Variants in ABCA5 observed in about 807,000 individuals in gnomAD.
The protein encoded by ABCA5 is ATP binding cassette subfamily A member 5, also known as cholesterol transporter ABCA5.
In ABCA5, 163 loss-of-function variants were observed where a neutral mutation model predicts 206.0. The observed-to-expected ratio is 0.79, with a 90% CI of 0.70 to 0.90. The LOEUF (loss-of-function observed/expected upper bound fraction) is 0.90. ABCA5 is among the 40% of genes least tolerant of loss of function. The probability of loss-of-function intolerance (pLI) is 0.00; values close to 1 mark genes in which losing one functional copy is unlikely to be tolerated. For synonymous variants in ABCA5, 609 were observed against 613.8 expected (o/e 0.99, Z 0.11); for missense variants, 1,859 against 1,912.9 (o/e 0.97, Z 0.53).
intron 20 of ABCA5, among the ~76,000 whole-genome samples, chr17:69,273,607 C>T (rs145062998): frequency 0.015 from 2,305 of 152,074 alleles, 49 homozygotes; most frequent in African/African-American, 0.051. Flanking sequence ...AGGCGCGTGC[C>T]ACCATGCCTG....
chr17:69,256,229 C>T lies in ABCA5; in HGVS notation c.3786G>A (p.Glu1262=), dbSNP rs1555575164. 1 of 1,610,362 alleles carries T rather than the reference C, an allele frequency of 6.2e-7. No homozygotes were observed. Among genetic ancestry groups the T allele is most frequent in the South Asian group, 1.1e-5 (1 of 90,574 alleles). The change falls in exon 29 of 39, where the codon GAG becomes GAA. Residue 1262 remains glutamate, a synonymous_variant. Coordinates refer to ENST00000392676, the MANE Select transcript of ABCA5 (RefSeq NM_172232.4). Reference sequence around the variant, plus strand: ...CAGCTTTGACATCTTCATCTTCATCCTCATTGTCTGGTGGTTCTGGAAGCT... The same window carrying T: ...CAGCTTTGACATCTTCATCTTCATCTTCATTGTCTGGTGGTTCTGGAAGCT... ...NRKLPEPPDN[E]DEDEDVKAER...
chr17:69,309,532 C>T, intron 3 of ABCA5, 109 bp from the exon 4 acceptor site: 1 of 848,376 alleles, frequency 1.2e-6, no homozygotes, highest in Middle Eastern at 3.7e-4. Flanking sequence ...AACACTTTTG[C>T]TATATTTACT....
chr17:69,296,289 ATT>A (rs945074724), intron 10 of ABCA5, among the ~76,000 whole-genome samples: 1 of 152,154 alleles, frequency 6.6e-6, no homozygotes, highest in African/African-American at 2.4e-5. Context: ...CATCTTAAGT[ATT>A]TTGACTTTCT....
chr17:69,290,089 T>C (rs1232778130), intron 12 of ABCA5, 52 bp from the exon 13 acceptor site: 2 of 1,232,174 alleles, frequency 1.6e-6, no homozygotes, highest in Non-Finnish European at 2.2e-6. Flanking sequence ...ATAATGTGTA[T>C]GTTTTCAAGT....
At chr17:69,287,889 C>A in intron 14 of ABCA5, 138 bp from the exon 15 acceptor site, 2 of 826,334 alleles carry the variant, frequency 2.4e-6, no homozygotes, top group Non-Finnish European at 3.3e-6. Flanking sequence ...TTTTTTCATT[C>A]ATAATTGAGT....
intron 7 of ABCA5, chr17:69,304,123 A>G (rs1287530920): frequency 6.6e-6 from 1 of 152,002 alleles, no homozygotes; most frequent in African/African-American, 2.4e-5. Flanking sequence ...TTATTATTTT[A>G]AAGAGCAGAA....
chr17:69,316,337 A>T (rs1165061760), intron 1 of ABCA5, among the ~76,000 whole-genome samples: 2 of 152,096 alleles, frequency 1.3e-5, no homozygotes, highest in African/African-American at 2.4e-5. Context: ...TACTAAAAAT[A>T]CAAAAATTAG....
chr17:69,307,030 T>C (rs1377442911), intron 5 of ABCA5, 76 bp from the exon 6 acceptor site: 3 of 1,050,840 alleles, frequency 2.9e-6, no homozygotes, highest in African/African-American at 3.3e-5. Flanking sequence ...GACAGCTATA[T>C]CCCTAAATTT....
At chr17:69,320,467 T>A (rs1182312277) in intron 1 of ABCA5, among the ~76,000 whole-genome samples, 2 of 152,154 alleles carry the variant, frequency 1.3e-5, no homozygotes, top group African/African-American at 4.8e-5. Flanking sequence ...ACTCAAAAGC[T>A]TTAGTCTAAT....
chr17:69,252,244 GAC>G (rs2075023533), intron 34 of ABCA5, among the ~76,000 whole-genome samples: 3 of 151,830 alleles, frequency 2.0e-5, no homozygotes, highest in African/African-American at 7.3e-5. Flanking sequence ...TCGATCTCCT[GAC>G]CTCGTGGTCT....
At chr17:69,263,699 T>TTTTTA (rs1348304193) in intron 24 of ABCA5, among the ~76,000 whole-genome samples, 1 of 142,978 alleles carries the variant, frequency 7.0e-6, no homozygotes. Context: ...ATGGATTCCT[T>TTTTTA]TTTTTTTTTT....
At chr17:69,321,767 A>G (rs1219308761) in intron 1 of ABCA5, among the ~76,000 whole-genome samples, 1 of 146,532 alleles carries the variant, frequency 6.8e-6, no homozygotes, top group Non-Finnish European at 1.5e-5. Context: ...TTCAAAATCT[A>G]AAAAAAAAAA....
chr17:69,278,542 A>G (rs1443614987), intron 18 of ABCA5, among the ~76,000 whole-genome samples: 1 of 152,142 alleles, frequency 6.6e-6, no homozygotes, highest in Non-Finnish European at 1.5e-5. Context: ...CTTCAATATA[A>G]TTTCCTGGGA....
chr17:69,277,893 C>A, intron 18 of ABCA5, 51 bp from the exon 19 acceptor site: 3 of 1,369,126 alleles, frequency 2.2e-6, no homozygotes, highest in Non-Finnish European at 1.9e-6. Context: ...AAAAAAGATA[C>A]AAACTTTCTG....
rs749663854 is a variant in ABCA5 at position 69,251,882 on chromosome 17, A to G, written c.4416-16T>C. The G allele has an allele frequency of 1.9e-6, 3 of 1,608,580 alleles. No individual in the cohort carries two copies. Among genetic ancestry groups the G allele is most frequent in the African/African-American group, 1.3e-5 (1 of 74,626 alleles). On this transcript the variant is annotated splice_polypyrimidine_tract_variant and intron_variant, in intron 34 of 38. Transcript: ENST00000392676. ...AATTGCTCGCCTATAAAACATAAAT[A>G]AAACAAAAAGAGAGGAACACATCTG...
intron 9 of ABCA5, among the ~76,000 whole-genome samples, chr17:69,298,264 G>GAAGGAAGA (rs2075608703): frequency 2.2e-5 from 3 of 133,480 alleles, no homozygotes; most frequent in Non-Finnish European, 4.9e-5. Context: ...AGGAAGGAAG[G>GAAGGAAGA]AAGGAAGGAA....
At chr17:69,278,742 T>C (rs1306858523) in intron 18 of ABCA5, among the ~76,000 whole-genome samples, 3 of 152,306 alleles carry the variant, frequency 2.0e-5, no homozygotes, top group African/African-American at 7.2e-5. Context: ...TTACGTACTT[T>C]ATGTTAAAAT....
chr17:69,271,176 T>C lies in ABCA5; in HGVS notation c.2878A>G (p.Met960Val), dbSNP rs557491. The part of the protein sequence containing the change: ...VAPHSAALNV[M>V]HSEKDYVFAA... ...ATTCATCTTACCTTTTCTGAATGCA[T>C]CACATTTAAAGCCGCACTATGGGGA... The change falls in exon 21 of 39, where the codon ATG becomes GTG. Residue 960 changes from methionine to valine, a missense_variant. By Grantham distance (21) the Met-to-Val change is conservative. Transcript: ENST00000392676. 765,683 of 1,609,752 alleles carry C rather than the reference T, an allele frequency of 0.48. 184,331 individuals carry two copies. Among genetic ancestry groups the C allele is most frequent in the East Asian group, 0.63 (28,105 of 44,720 alleles).
At chr17:69,291,523 ATAAACT>A (rs1164594339) in intron 11 of ABCA5, among the ~76,000 whole-genome samples, 197 bp from the exon 12 acceptor site, 1 of 152,234 alleles carries the variant, frequency 6.6e-6, no homozygotes, top group African/African-American at 2.4e-5. Context: ...GTAAATAAAA[ATAAACT>A]TTATTTGTTC....
Sources: allele counts gnomAD v4.1 joint callset (sites outside exome capture counted in the v4.1 genomes callset), GRCh38; gene constraint gnomAD v4.1.1; transcripts MANE v1.5; gene names NCBI Gene and HGNC (gene_info 2026-07-23, HGNC 2026-07-21).